Variants in FAT3 observed in about 807,000 individuals in gnomAD.
FAT3 encodes the protein protocadherin Fat 3.
In FAT3, 95 loss-of-function variants were observed where a neutral mutation model predicts 310.2. The ratio of observed to expected loss-of-function variants is 0.31; its 90% CI spans 0.26 to 0.36. The LOEUF is 0.36. FAT3 is among the 10% of genes least tolerant of loss of function. The pLI, the probability that FAT3 is intolerant of heterozygous loss-of-function variation, is 1.00. For missense variants in FAT3, 5,408 were observed against 5,715.6 expected, an observed-to-expected ratio of 0.95 and a Z score of 1.74; for synonymous variants, 2,314 against 2,192.9, an observed-to-expected ratio of 1.06 and a Z score of -1.54.
At chr11:92,738,853 T>G (rs1466106573) in intron 4 of FAT3, among the ~76,000 whole-genome samples, 1 of 152,160 alleles carries the variant, frequency 6.6e-6, no homozygotes, top group Non-Finnish European at 1.5e-5. Flanking sequence ...GGGTTAATAT[T>G]TCTTCACCAA....
chr11:92,337,698 C>T lies in FAT3; in HGVS notation c.-17-14398C>T, dbSNP rs1050197476. Among the ~76,000 whole-genome samples the T allele has an allele frequency of 7.9e-5, 12 of 152,344 alleles. No homozygotes were observed. In the South Asian group the frequency reaches 1.7e-3, roughly 21 times the overall value. On this transcript the variant is annotated intron_variant, in intron 1 of 27. Transcript: ENST00000525166. ...CCATATGCCTCGGCCTCCCAAAGTG[C>T]TGGATTACAGGCGTAAGCCACCGCA... is the stretch of plus-strand genomic sequence containing the variant.
intron 2 of FAT3, chr11:92,366,497 C>T: frequency 2.2e-6 from 1 of 456,506 alleles, no homozygotes; most frequent in Non-Finnish European, 4.3e-6. Context: ...CGCCAGCCCT[C>T]ACTTCTTGGC....
At chr11:92,690,323 G>C (rs1170336593) in intron 3 of FAT3, among the ~76,000 whole-genome samples, 1 of 152,178 alleles carries the variant, frequency 6.6e-6, no homozygotes, top group African/African-American at 2.4e-5. Flanking sequence ...CAGTTTTAAA[G>C]CTTCTATTAG....
chr11:92,271,946 C>T (rs1333412938), intron 1 of FAT3, among the ~76,000 whole-genome samples: 1 of 151,960 alleles, frequency 6.6e-6, no homozygotes, highest in Non-Finnish European at 1.5e-5. Flanking sequence ...ATACTGATTC[C>T]CTTCACTTCT....
chr11:92,315,479 GTATATATATATA>G (rs1168085335), intron 1 of FAT3, among the ~76,000 whole-genome samples: 106 of 65,182 alleles, frequency 1.6e-3, no homozygotes, highest in African/African-American at 4.8e-3. Context: ...GTGTGTGTGT[GTATATATATATA>G]TATATATATA....
chr11:92,314,587 C>T (rs1947388102), intron 1 of FAT3, among the ~76,000 whole-genome samples: 1 of 152,152 alleles, frequency 6.6e-6, no homozygotes, highest in Non-Finnish European at 1.5e-5. Context: ...CAGTTACAGG[C>T]TGCCAGTACT....
chr11:92,678,958 T>A (rs1943380051), intron 3 of FAT3, among the ~76,000 whole-genome samples: 1 of 152,190 alleles, frequency 6.6e-6, no homozygotes, highest in African/African-American at 2.4e-5. Context: ...AGCTTTCTCA[T>A]CACCCTTCTG....
intron 1 of FAT3, among the ~76,000 whole-genome samples, chr11:92,298,924 G>A (rs982399752): frequency 5.9e-5 from 9 of 152,012 alleles, no homozygotes; most frequent in African/African-American, 2.2e-4. Context: ...CCTCATTGCT[G>A]TTGAAGTTCA....
chr11:92,512,066 G>C (rs1953309266), intron 2 of FAT3, among the ~76,000 whole-genome samples: 1 of 152,076 alleles, frequency 6.6e-6, no homozygotes, highest in Non-Finnish European at 1.5e-5. Flanking sequence ...CTTCTATTCA[G>C]TGTGCCACAT....
chr11:92,568,966 C>G (rs1955574171), intron 3 of FAT3, among the ~76,000 whole-genome samples: 1 of 152,126 alleles, frequency 6.6e-6, no homozygotes, highest in Non-Finnish European at 1.5e-5. Flanking sequence ...GTAACACAAA[C>G]CTGTCCTCAT....
At chr11:92,618,644 A>G (rs896256481) in intron 3 of FAT3, among the ~76,000 whole-genome samples, 2 of 152,016 alleles carry the variant, frequency 1.3e-5, no homozygotes, top group Non-Finnish European at 2.9e-5. Flanking sequence ...TTATTTTTGG[A>G]TGTTTCATTG....
intron 3 of FAT3, among the ~76,000 whole-genome samples, chr11:92,696,456 C>T (rs1943945864): frequency 6.6e-6 from 1 of 151,980 alleles, no homozygotes. Flanking sequence ...TTCACAGCCC[C>T]TGGAAATACC....
intron 2 of FAT3, among the ~76,000 whole-genome samples, chr11:92,365,511 AT>A (rs1948994820): frequency 6.6e-6 from 1 of 151,374 alleles, no homozygotes; most frequent in Admixed American, 6.6e-5. Context: ...TCATTTCCAC[AT>A]TTATCATGCA....
chr11:92,491,250 C>T (rs1952590296), intron 2 of FAT3, among the ~76,000 whole-genome samples: 1 of 152,032 alleles, frequency 6.6e-6, no homozygotes, highest in African/African-American at 2.4e-5. Flanking sequence ...TTCCTCCTGT[C>T]CCTAAGGGAC....
chr11:92,638,706 G>A (rs985450422), intron 3 of FAT3, among the ~76,000 whole-genome samples: 3 of 152,172 alleles, frequency 2.0e-5, no homozygotes, highest in Admixed American at 6.5e-5. Flanking sequence ...ACATTCCGAT[G>A]TAAATTTTGC....
At chr11:92,521,569 C>T (rs1953685253) in intron 2 of FAT3, among the ~76,000 whole-genome samples, 1 of 152,114 alleles carries the variant, frequency 6.6e-6, no homozygotes, top group African/African-American at 2.4e-5. Flanking sequence ...ATGATTACCA[C>T]AACACTGAGA....
At chr11:92,481,987 C>A (rs1952238484) in intron 2 of FAT3, among the ~76,000 whole-genome samples, 1 of 152,058 alleles carries the variant, frequency 6.6e-6, no homozygotes, top group Non-Finnish European at 1.5e-5. Context: ...TTAATTACTT[C>A]ATATGTATAT....
chr11:92,257,829 A>G (rs1865375005), intron 1 of FAT3, among the ~76,000 whole-genome samples: 1 of 152,120 alleles, frequency 6.6e-6, no homozygotes, highest in Admixed American at 6.6e-5. Flanking sequence ...ATGATTGAGC[A>G]TTTTACTTTT....
intron 3 of FAT3, among the ~76,000 whole-genome samples, chr11:92,529,415 G>A (rs1953993307): frequency 6.6e-6 from 1 of 152,112 alleles, no homozygotes; most frequent in Non-Finnish European, 1.5e-5. Flanking sequence ...ATTAGAAAGC[G>A]AATTTTAAGA....
Sources: allele counts gnomAD v4.1 joint callset (sites outside exome capture counted in the v4.1 genomes callset), GRCh38; gene constraint gnomAD v4.1.1; transcripts MANE v1.5; gene names NCBI Gene and HGNC (gene_info 2026-07-23, HGNC 2026-07-21).